The following GPC5 variants were observed in gnomAD, a reference collection of about 807,000 sequenced individuals.
GPC5 encodes glypican 5.
In GPC5, 47 loss-of-function variants were observed where a neutral mutation model predicts 53.9. The observed-to-expected ratio is 0.87, with a 90% CI of 0.69 to 1.11. The LOEUF (loss-of-function observed/expected upper bound fraction) is 1.11. GPC5 is among the 50% of genes most tolerant of loss of function. GPC5 has a pLI of 0.00. For missense variants in GPC5, 748 were observed against 713.1 expected (o/e 1.05, Z -0.56); for synonymous variants, 286 against 263.3 (o/e 1.09, Z -0.84).
intron 7 of GPC5, among the ~76,000 whole-genome samples, chr13:92,824,411 C>G (rs921077622): frequency 3.3e-5 from 5 of 152,144 alleles, no homozygotes; most frequent in African/African-American, 4.8e-5. Flanking sequence ...CTTCAGTCAT[C>G]TTTGCTGCTC....
At chr13:92,338,396 C>T (rs2043339822) in intron 7 of GPC5, among the ~76,000 whole-genome samples, 1 of 152,034 alleles carries the variant, frequency 6.6e-6, no homozygotes, top group Non-Finnish European at 1.5e-5. Flanking sequence ...TAAATATACT[C>T]TTATATGTTC....
At chr13:92,755,124 A>ACTAT (rs1874797533) in intron 7 of GPC5, among the ~76,000 whole-genome samples, 1 of 147,538 alleles carries the variant, frequency 6.8e-6, no homozygotes, top group Admixed American at 6.8e-5. Flanking sequence ...ATTATAACAA[A>ACTAT]CTATCTCTCA....
intron 7 of GPC5, among the ~76,000 whole-genome samples, chr13:92,532,426 A>G (rs1229569402): frequency 5.9e-5 from 9 of 152,234 alleles, no homozygotes; most frequent in South Asian, 2.1e-4. Context: ...GTAGATTTCA[A>G]TGAAAGACAA....
intron 7 of GPC5, among the ~76,000 whole-genome samples, chr13:92,571,634 T>A (rs1883025237): frequency 6.6e-6 from 1 of 152,106 alleles, no homozygotes; most frequent in African/African-American, 2.4e-5. Context: ...TGCTTCATGA[T>A]CCTTTTAATT....
intron 6 of GPC5, among the ~76,000 whole-genome samples, chr13:92,129,329 A>G (rs1315471899): frequency 6.6e-6 from 1 of 152,224 alleles, no homozygotes; most frequent in African/African-American, 2.4e-5. Context: ...GACTACTTCA[A>G]TCTCTGATTG....
rs1594146424 is a variant in GPC5, at chr13:92,378,240, T to C, written c.1561+233251T>C. On this transcript the variant is annotated intron_variant, in intron 7 of 7. Coordinates refer to ENST00000377067, the MANE Select transcript of GPC5 (RefSeq NM_004466.6). Reference sequence around the variant, plus strand: ...TAACAAATGACAGTTATCAGGGTATTCTTGATAATAAATGTGAAATTAAGG... The same window carrying C: ...TAACAAATGACAGTTATCAGGGTATCCTTGATAATAAATGTGAAATTAAGG... 2.0e-5 allele frequency among the ~76,000 whole-genome samples: 3 copies of C among 152,158 alleles called. No homozygotes were observed. The South Asian group carries it at 6.2e-4, about 32-fold the overall frequency.
chr13:91,619,605 A>G (rs892698341), intron 2 of GPC5, among the ~76,000 whole-genome samples: 1 of 152,130 alleles, frequency 6.6e-6, no homozygotes, highest in African/African-American at 2.4e-5. Flanking sequence ...GAGACATGCC[A>G]TAATTTAACT....
intron 6 of GPC5, among the ~76,000 whole-genome samples, chr13:92,007,814 C>T (rs2138767153): frequency 6.6e-6 from 1 of 152,148 alleles, no homozygotes; most frequent in African/African-American, 2.4e-5. Flanking sequence ...ATTATCTAGA[C>T]GACTTTTAAA....
chr13:92,306,210 A>T (rs550873154), intron 7 of GPC5, among the ~76,000 whole-genome samples: 19 of 152,296 alleles, frequency 1.2e-4, no homozygotes, highest in Non-Finnish European at 2.2e-4. Flanking sequence ...CATTTTTTTT[A>T]AAATGAAATC....
At chr13:91,467,541 TTC>T (rs1304538815) in intron 2 of GPC5, among the ~76,000 whole-genome samples, 4 of 152,184 alleles carry the variant, frequency 2.6e-5, no homozygotes, top group African/African-American at 9.6e-5. Flanking sequence ...CCTTTCTCTT[TTC>T]TCTGCTTTCC....
chr13:91,480,228 G>A (rs1392420356), intron 2 of GPC5, among the ~76,000 whole-genome samples: 6 of 152,160 alleles, frequency 3.9e-5, no homozygotes, highest in African/African-American at 7.2e-5. Flanking sequence ...ATATAAACAC[G>A]TCTTCATTTA....
At chr13:92,008,554 A>T (rs1483335240) in intron 6 of GPC5, among the ~76,000 whole-genome samples, 1 of 151,942 alleles carries the variant, frequency 6.6e-6, no homozygotes, top group Non-Finnish European at 1.5e-5. Flanking sequence ...TTATCTTTTT[A>T]AAAAATAATT....
At chr13:92,006,571 T>C (rs985487343) in intron 6 of GPC5, among the ~76,000 whole-genome samples, 6 of 152,202 alleles carry the variant, frequency 3.9e-5, no homozygotes, top group African/African-American at 1.4e-4. Context: ...TCTCCTAATG[T>C]CGATTCATAC....
chr13:91,967,131 TG>T (rs2040188686), intron 6 of GPC5, among the ~76,000 whole-genome samples: 1 of 152,138 alleles, frequency 6.6e-6, no homozygotes, highest in African/African-American at 2.4e-5. Flanking sequence ...GTGTCTTACA[TG>T]GTGGCAGACA....
At chr13:91,746,767 A>T (rs2037059402) in intron 4 of GPC5, among the ~76,000 whole-genome samples, 1 of 152,218 alleles carries the variant, frequency 6.6e-6, no homozygotes, top group African/African-American at 2.4e-5. Context: ...ATTTTCATAG[A>T]CTATGCTAAT....
In GPC5 at chr13:92,570,046, G is replaced by C. The variant is rs1882977655; in HGVS notation, c.1562-296236G>C. 2.0e-5 allele frequency among the ~76,000 whole-genome samples: 3 copies of C among 152,094 alleles called. No individual in the cohort carries two copies. In the South Asian group the frequency reaches 6.2e-4, roughly 31 times the overall value. On this transcript the variant is annotated intron_variant, in intron 7 of 7. Coordinates refer to ENST00000377067, the MANE Select transcript of GPC5 (RefSeq NM_004466.6). Reference sequence around the variant, plus strand: ...TGACACTCGATCCTCTATTACCAATGACTGTGTAGAACCATCTGCTTGAAT... The same window carrying C: ...TGACACTCGATCCTCTATTACCAATCACTGTGTAGAACCATCTGCTTGAAT...
chr13:92,654,637 T>A (rs928583623), intron 7 of GPC5, among the ~76,000 whole-genome samples: 13 of 152,316 alleles, frequency 8.5e-5, no homozygotes, highest in South Asian at 2.1e-4. Flanking sequence ...ATTTTGTCAC[T>A]TTTTTGTTGA....
At chr13:92,844,574 T>C (rs1007942241) in intron 7 of GPC5, among the ~76,000 whole-genome samples, 1 of 152,042 alleles carries the variant, frequency 6.6e-6, no homozygotes, top group Non-Finnish European at 1.5e-5. Context: ...GTGTCCCTGC[T>C]TTTGTGTATT....
intron 2 of GPC5, among the ~76,000 whole-genome samples, chr13:91,519,817 G>C (rs1062212): frequency 6.6e-6 from 1 of 151,930 alleles, no homozygotes. Context: ...GATTTTTATA[G>C]GAAGGTAATC....
Sources: allele counts gnomAD v4.1 joint callset (sites outside exome capture counted in the v4.1 genomes callset), GRCh38; gene constraint gnomAD v4.1.1; transcripts MANE v1.5; gene names NCBI Gene and HGNC (gene_info 2026-07-23, HGNC 2026-07-21).